The following GCNT2 variants were observed in gnomAD, a reference collection of about 807,000 sequenced individuals.
The protein encoded by GCNT2 is glucosaminyl (N-acetyl) transferase 2 (I blood group).
In GCNT2, 34 loss-of-function variants were observed where a neutral mutation model predicts 34.2. That is an observed-to-expected ratio of 1.00 (90% CI 0.76 to 1.32). GCNT2 has a LOEUF of 1.32. Ranked by LOEUF, GCNT2 falls within the 40% of genes most tolerant of loss-of-function variation. The probability of loss-of-function intolerance (pLI) is 0.00; values close to 1 mark genes in which losing one functional copy is unlikely to be tolerated. For synonymous variants in GCNT2, 212 were observed against 188.0 expected (o/e 1.13, Z -1.04); for missense variants, 584 against 489.4 (o/e 1.19, Z -1.82).
At chr6:10,557,668 T>A (rs188575927) in intron 3 of GCNT2, among the ~76,000 whole-genome samples, 1,524 of 152,086 alleles carry the variant, frequency 0.01, 23 homozygotes, top group African/African-American at 0.035. Flanking sequence ...TTAAAAAAAA[T>A]TTTGTGCAGA....
rs371116308 is a variant in GCNT2, at chr6:10,529,064, G to C, written c.153G>C (p.Gln51His). ...CACTGTTAGCAGAAGCCTGTCATCA[G>C]ATTTTTGAGGGGAAAGTTTTTTACC... Reference protein sequence around the residue: ...NASLLAEACHQIFEGKVFYPT... With the variant: ...NASLLAEACHHIFEGKVFYPT... The change falls in exon 3 of 5, where the codon CAG (glutamine) becomes CAC (histidine). Residue 51 changes from glutamine (Q) to histidine (H), a missense_variant. Physicochemically the swap from Gln to His is conservative, Grantham distance 24. Coordinates refer to ENST00000495262, the MANE Select transcript of GCNT2 (RefSeq NM_145649.5). 26 of 1,614,018 alleles carry C rather than the reference G, an allele frequency of 1.6e-5. No individual in the cohort carries two copies. Among genetic ancestry groups the C allele is most frequent in the African/African-American group, 4.0e-5 (3 of 74,910 alleles).
chr6:10,608,073 C>CT (rs576372819), intron 3 of GCNT2, among the ~76,000 whole-genome samples: 6,741 of 124,696 alleles, frequency 0.054, 477 homozygotes, highest in African/African-American at 0.14. Flanking sequence ...ATGGTATGCA[C>CT]TTTTTTTTTT....
At chr6:10,556,178 C>T (rs1209570609) in intron 3 of GCNT2, 2 of 1,379,092 alleles carry the variant, frequency 1.5e-6, no homozygotes, top group Non-Finnish European at 9.4e-7. Flanking sequence ...GGCTGGGCTT[C>T]AGCAACCTGC....
intron 3 of GCNT2, among the ~76,000 whole-genome samples, chr6:10,603,271 A>G (rs1388657218): frequency 2.0e-5 from 3 of 152,220 alleles, no homozygotes; most frequent in African/African-American, 4.8e-5. Flanking sequence ...TCTATGTTCA[A>G]TGTAGGTTAG....
intron 3 of GCNT2, among the ~76,000 whole-genome samples, chr6:10,610,123 A>C (rs1765485905): frequency 6.6e-6 from 1 of 152,256 alleles, no homozygotes; most frequent in African/African-American, 2.4e-5. Flanking sequence ...GGACTGTGGC[A>C]TCAAAGGAAA....
chr6:10,551,225 G>C (rs1205489207), intron 3 of GCNT2, among the ~76,000 whole-genome samples: 1 of 151,828 alleles, frequency 6.6e-6, no homozygotes, highest in Non-Finnish European at 1.5e-5. Flanking sequence ...ACTGTCTTTT[G>C]CAAGTATTTG....
intron 3 of GCNT2, among the ~76,000 whole-genome samples, chr6:10,569,536 C>T (rs1763443967): frequency 6.6e-6 from 1 of 152,178 alleles, no homozygotes; most frequent in African/African-American, 2.4e-5. Context: ...TGTTCTTGGG[C>T]AACAGCAATG....
At chr6:10,548,673 A>T (rs1272495016) in intron 3 of GCNT2, among the ~76,000 whole-genome samples, 1 of 152,036 alleles carries the variant, frequency 6.6e-6, no homozygotes, top group African/African-American at 2.4e-5. Flanking sequence ...TTTGTTCAAC[A>T]TTATGTTTGT....
intron 3 of GCNT2, among the ~76,000 whole-genome samples, chr6:10,578,821 T>TTTG (rs554215883): frequency 2.2e-4 from 33 of 151,998 alleles, no homozygotes; most frequent in South Asian, 2.1e-4. Context: ...TTAGATCCAT[T>TTTG]TTGTTGTTGT....
chr6:10,578,329 C>T (rs1299062766), intron 3 of GCNT2, among the ~76,000 whole-genome samples: 13 of 148,340 alleles, frequency 8.8e-5, no homozygotes, highest in Non-Finnish European at 1.2e-4. Context: ...TGCAGTGAGC[C>T]GAGATTGAGC....
intron 3 of GCNT2, among the ~76,000 whole-genome samples, chr6:10,559,548 A>G (rs1762877234): frequency 6.6e-6 from 1 of 152,254 alleles, no homozygotes; most frequent in Non-Finnish European, 1.5e-5. Flanking sequence ...CAGAAGACAC[A>G]ATGCCTAGAA....
chr6:10,623,562 T>A (rs1256773571), intron 4 of GCNT2, among the ~76,000 whole-genome samples: 3 of 152,166 alleles, frequency 2.0e-5, no homozygotes, highest in Non-Finnish European at 4.4e-5. Context: ...AGTGCTGGGA[T>A]TACAGGCATG....
intron 3 of GCNT2, among the ~76,000 whole-genome samples, chr6:10,578,391 TA>T (rs55708119): frequency 0.22 from 18,978 of 86,936 alleles, 1,501 homozygotes; most frequent in Middle Eastern, 0.31. Context: ...TGTCTAAAAG[TA>T]AAAAAAAAAA....
intron 3 of GCNT2, among the ~76,000 whole-genome samples, chr6:10,616,020 C>A (rs893530992): frequency 6.6e-6 from 1 of 152,212 alleles, no homozygotes; most frequent in Non-Finnish European, 1.5e-5. Context: ...TCACTGACTT[C>A]AAGAATGAAG....
At chr6:10,536,064 G>A (rs560411645) in intron 3 of GCNT2, among the ~76,000 whole-genome samples, 1 of 151,968 alleles carries the variant, frequency 6.6e-6, no homozygotes, top group African/African-American at 2.4e-5. Flanking sequence ...AAAATGCAAT[G>A]CTGAGGTTCC....
intron 3 of GCNT2, among the ~76,000 whole-genome samples, chr6:10,537,725 AACAAAAC>A (rs1761837440): frequency 7.9e-6 from 1 of 126,366 alleles, no homozygotes; most frequent in Non-Finnish European, 1.7e-5. Flanking sequence ...AAAAAAAAAA[AACAAAAC>A]AAAGAAAACG....
At chr6:10,524,131 G>T (rs1040152349) in intron 1 of GCNT2, among the ~76,000 whole-genome samples, 7 of 151,778 alleles carry the variant, frequency 4.6e-5, no homozygotes, top group African/African-American at 1.7e-4. Context: ...AACGGGTGTT[G>T]TTTTCTCAAA....
intron 3 of GCNT2, among the ~76,000 whole-genome samples, chr6:10,559,831 C>G (rs537845101): frequency 6.6e-6 from 1 of 152,350 alleles, no homozygotes; most frequent in Middle Eastern, 3.4e-3. Context: ...CTTTCTTAGA[C>G]TCTGGGCAAC....
chr6:10,534,261 C>T (rs1761655631), intron 3 of GCNT2, among the ~76,000 whole-genome samples: 1 of 151,366 alleles, frequency 6.6e-6, no homozygotes, highest in Non-Finnish European at 1.5e-5. Flanking sequence ...CCTGTCTCAG[C>T]CTCCGCAGCA....
Sources: allele counts gnomAD v4.1 joint callset (sites outside exome capture counted in the v4.1 genomes callset), GRCh38; gene constraint gnomAD v4.1.1; transcripts MANE v1.5; gene names NCBI Gene and HGNC (gene_info 2026-07-23, HGNC 2026-07-21).